Variants in HADH observed in about 807,000 individuals in gnomAD.
HADH encodes the protein hydroxyacyl-coenzyme A dehydrogenase, mitochondrial.
Under a neutral mutation model 32.2 loss-of-function variants are expected in HADH, and 24 were observed. That is an observed-to-expected ratio of 0.75 (90% confidence interval 0.54 to 1.05). The LOEUF is 1.05. HADH is among the 50% of genes least tolerant of loss of function. The pLI is 0.00. For synonymous variants in HADH, 139 were observed against 152.5 expected (o/e 0.91, Z 0.65); for missense variants, 350 against 397.1 (o/e 0.88, Z 1.01).
chr4:108,015,958 C>G (rs965936905), intron 3 of HADH, among the ~76,000 whole-genome samples: 37 of 152,194 alleles, frequency 2.4e-4, no homozygotes, highest in African/African-American at 8.2e-4. Context: ...GTGTTTCCTC[C>G]TTTTTTGGAT....
At chr4:107,995,309 A>G (rs1374924782) in intron 1 of HADH, among the ~76,000 whole-genome samples, 1 of 152,184 alleles carries the variant, frequency 6.6e-6, no homozygotes, top group Non-Finnish European at 1.5e-5. Flanking sequence ...ACCTGGGAAT[A>G]ATGAGACTCA....
chr4:107,996,893 C>CAA (rs371481879), intron 1 of HADH, among the ~76,000 whole-genome samples: 5 of 109,740 alleles, frequency 4.6e-5, no homozygotes, highest in African/African-American at 5.8e-5. Flanking sequence ...GACTCCTTCT[C>CAA]AAAAAAAAAA....
rs374464156 is a variant in HADH at position 107,993,363 on chromosome 4, C to T, written c.132+3299C>T. Among the ~76,000 whole-genome samples, 4 of 152,260 alleles carry T rather than the reference C, an allele frequency of 2.6e-5. No individual in the cohort carries two copies. In the East Asian group the frequency reaches 7.7e-4, roughly 29 times the overall value. On this transcript the variant is annotated intron_variant, in intron 1 of 7. Transcript: ENST00000309522. ...AAGGAGGGAGAACACTTTTTAGTTA[C>T]CCCCCATTTTATTGTTAAACTTTAG...
chr4:108,004,696 A>G, intron 1 of HADH: 1 of 1,528,156 alleles, frequency 6.5e-7, no homozygotes, highest in Non-Finnish European at 8.8e-7. Flanking sequence ...AATGAGGGAT[A>G]ATTCTTTCAA....
chr4:108,027,282 T>C, intron 5 of HADH: 1 of 336,152 alleles, frequency 3.0e-6, no homozygotes, highest in East Asian at 7.6e-5. Context: ...TTTTATGTGT[T>C]TTCTGATTTA....
chr4:108,000,061 T>C (rs1188019638), intron 1 of HADH, among the ~76,000 whole-genome samples: 1 of 152,218 alleles, frequency 6.6e-6, no homozygotes, highest in Non-Finnish European at 1.5e-5. Context: ...ATAGGAGTGT[T>C]CCTAAGCACC....
At chr4:108,023,028 C>G (rs11734878) in intron 4 of HADH, among the ~76,000 whole-genome samples, 9 of 142,662 alleles carry the variant, frequency 6.3e-5, no homozygotes, top group South Asian at 2.2e-4. Context: ...GTGTCTTGCT[C>G]TGTCACCCAG....
intron 1 of HADH, among the ~76,000 whole-genome samples, chr4:107,994,579 A>G (rs1055502545): frequency 3.3e-5 from 5 of 152,210 alleles, no homozygotes; most frequent in Admixed American, 3.3e-4. Flanking sequence ...GCAAAGCAGT[A>G]CAGATGCCTA....
Position 108,003,136 on chromosome 4 carries a change from C to G in HADH, c.133-6623C>G, listed in dbSNP as rs111694856. Among the ~76,000 whole-genome samples the G allele has an allele frequency of 3.0e-3, 358 of 117,726 alleles. 2 individuals are homozygous for G. The highest frequency in any genetic ancestry group is 0.011 in the African/African-American group (347 of 32,018). The allele number at this position is 117,726 out of a possible 152,430, so 77.2% of individuals were successfully genotyped here. ...TTTTTTTTTTTTTTGCTGCTATTAA[C>G]AGAATACCTGAGACTGGGTAATTTA... is the stretch of plus-strand genomic sequence containing the variant. On this transcript the variant is annotated intron_variant, in intron 1 of 7. Transcript: ENST00000309522.
At chr4:107,990,766 T>TTTTTG (rs1734763125) in intron 1 of HADH, among the ~76,000 whole-genome samples, 1 of 148,850 alleles carries the variant, frequency 6.7e-6, no homozygotes, top group Admixed American at 6.7e-5. Flanking sequence ...TTTTTTTTTT[T>TTTTTG]GAGTCGGAGT....
intron 7 of HADH, 133 bp from the exon 8 acceptor site, chr4:108,034,106 G>T: frequency 1.3e-6 from 1 of 757,320 alleles, no homozygotes; most frequent in Non-Finnish European, 2.5e-6. Context: ...CTCTGCAGTG[G>T]TGGCCGGAGG....
At chr4:108,007,099 G>C (rs530225512) in intron 1 of HADH, among the ~76,000 whole-genome samples, 34 of 149,742 alleles carry the variant, frequency 2.3e-4, no homozygotes, top group African/African-American at 8.1e-4. Context: ...TTAAGTTTTT[G>C]TTTGTTTGTT....
chr4:108,001,102 A>C (rs1033059514), intron 1 of HADH, among the ~76,000 whole-genome samples: 1 of 152,230 alleles, frequency 6.6e-6, no homozygotes, highest in Non-Finnish European at 1.5e-5. Flanking sequence ...AAAAGGCTTC[A>C]TGGAGAGGGT....
At chr4:108,015,782 G>C (rs554438149) in intron 3 of HADH, among the ~76,000 whole-genome samples, 78 of 152,208 alleles carry the variant, frequency 5.1e-4, no homozygotes, top group Admixed American at 4.5e-3. Flanking sequence ...TATGCCAGAA[G>C]CTGCTCTGAC....
At chr4:107,997,381 G>A (rs2126219353) in intron 1 of HADH, among the ~76,000 whole-genome samples, 1 of 152,264 alleles carries the variant, frequency 6.6e-6, no homozygotes, top group Admixed American at 6.5e-5. Flanking sequence ...AGTTGATGTA[G>A]GTCTCATAGA....
intron 5 of HADH, chr4:108,025,972 T>G (rs396386): frequency 6.6e-6 from 1 of 152,160 alleles, no homozygotes; most frequent in Non-Finnish European, 1.5e-5. Context: ...ATTATTACAG[T>G]GGGGGAAAAA....
chr4:108,004,153 A>G (rs1735212778), intron 1 of HADH, among the ~76,000 whole-genome samples: 1 of 152,236 alleles, frequency 6.6e-6, no homozygotes. Context: ...AAAGGCAGTT[A>G]TGAAGATCAG....
At chr4:108,022,343 G>C (rs746344847) in intron 4 of HADH, among the ~76,000 whole-genome samples, 8 of 152,040 alleles carry the variant, frequency 5.3e-5, no homozygotes, top group Non-Finnish European at 1.2e-4. Context: ...TGCTTACTGA[G>C]GGCTGACTGT....
chr4:107,996,813 G>A (rs1048105838), intron 1 of HADH, among the ~76,000 whole-genome samples: 1 of 151,414 alleles, frequency 6.6e-6, no homozygotes, highest in Admixed American at 6.6e-5. Flanking sequence ...AGAATTGCTT[G>A]AACCCAGGAG....
Sources: gnomAD v4.1 joint callset for allele counts (sites outside exome capture counted in the v4.1 genomes callset) on GRCh38, gnomAD v4.1.1 for gene constraint, MANE v1.5 for transcripts, NCBI Gene and HGNC (gene_info 2026-07-23, HGNC 2026-07-21) for gene names.